Variants in TECR observed in about 807,000 individuals in gnomAD.
The protein encoded by TECR is very-long-chain enoyl-CoA reductase.
A neutral mutation model predicts 50.6 loss-of-function variants in TECR; 19 were observed. That is an observed-to-expected ratio of 0.38 (90% confidence interval 0.26 to 0.55). TECR has a LOEUF of 0.55. Among genes scored for constraint, TECR ranks in the 20% least tolerant of loss-of-function variants. The pLI is 0.79. For missense variants in TECR, 313 were observed against 408.3 expected (o/e 0.77, Z 2.01); for synonymous variants, 168 against 163.5 (o/e 1.03, Z -0.21).
At chr19:14,557,982 C>G (rs1218431151) in intron 1 of TECR, among the ~76,000 whole-genome samples, 2 of 150,126 alleles carry the variant, frequency 1.3e-5, no homozygotes, top group African/African-American at 4.9e-5. Flanking sequence ...GTCTCGATCT[C>G]CTGACCTCGT....
At position 14,564,397 on chromosome 19, in the gene TECR, C is replaced by CA. The variant is rs1195681103; in HGVS notation, c.489+111dup. Reference sequence around the variant, plus strand: ...CTTCCTGTCTGCCACTACGCCCCAGCAGAGCCCTACCCCTAGGCCCCGCCT... The same window carrying CA: ...CTTCCTGTCTGCCACTACGCCCCAGCAAGAGCCCTACCCCTAGGCCCCGCCT... On this transcript the variant is annotated intron_variant, in intron 7 of 12. Transcript: ENST00000215567. The CA allele has an allele frequency of 1.0e-3, 921 of 891,776 alleles. 11 individuals carry two copies. In the South Asian group the frequency reaches 0.012, roughly 12 times the overall value. The allele number at this position is 891,776 out of a possible 1,614,324, so 55.2% of individuals were successfully genotyped here.
Position 14,529,907 on chromosome 19 carries a change from C to T in TECR, c.15+196C>T, listed in dbSNP as rs2072558216. ...ATGTGCGCAGGAAGTATTTATAAAT[C>T]TGCAACCCAGGCTGTTTTGGGGGTA... On this transcript the variant is annotated intron_variant, in intron 1 of 12. Coordinates refer to ENST00000215567, the MANE Select transcript of TECR (RefSeq NM_138501.6). 12 of 765,854 alleles carry T rather than the reference C, an allele frequency of 1.6e-5. 1 individual carries two copies. In the South Asian group the frequency reaches 2.0e-4, roughly 13 times the overall value. The allele number at this position is 765,854 out of a possible 1,614,324, so 47.4% of individuals were successfully genotyped here.
chr19:14,562,642 C>T (rs2073936870), intron 2 of TECR, 67 bp downstream of exon 2: 1 of 1,583,002 alleles, frequency 6.3e-7, no homozygotes, highest in Admixed American at 1.7e-5. Flanking sequence ...CCTTATAGCC[C>T]AGGAGCTGTC....
chr19:14,533,199 TC>T (rs2072737419), intron 1 of TECR, among the ~76,000 whole-genome samples: 1 of 151,898 alleles, frequency 6.6e-6, no homozygotes, highest in Non-Finnish European at 1.5e-5. Context: ...GGTGGGCAAA[TC>T]ATGTGAGGTC....
intron 1 of TECR, among the ~76,000 whole-genome samples, chr19:14,536,091 C>G (rs73002841): frequency 0.35 from 52,680 of 151,806 alleles, 9,538 homozygotes; most frequent in Non-Finnish European, 0.41. Flanking sequence ...ACCCAGAGAA[C>G]AAGGCCTTTT....
chr19:14,535,562 ATATATATATATATATATATATATATATG>A (rs1457009556), intron 1 of TECR, among the ~76,000 whole-genome samples: 472 of 27,904 alleles, frequency 0.017, 30 homozygotes, highest in African/African-American at 0.053. Flanking sequence ...ATATATATAT[ATATATATATATATATATATATATATATG>A]TATGTATATA....
intron 1 of TECR, among the ~76,000 whole-genome samples, chr19:14,555,372 C>T (rs1006401803): frequency 2.0e-5 from 3 of 151,512 alleles, no homozygotes; most frequent in African/African-American, 7.3e-5. Context: ...CCTCAGCCTC[C>T]TGAGTAGCTG....
chr19:14,562,540 G>A lies in TECR; in HGVS notation c.31G>A (p.Ala11Thr), dbSNP rs750439728. The stretch of plus-strand genomic sequence containing the variant: ...CTTCTTCGAGGTGGAGATTCTGGAC[G>A]CAAAGACAAGGGAGAAGCTGTGTTT... MKHYEVEILDAKTREKLCFLD... is the reference protein window; with the variant it reads MKHYEVEILDTKTREKLCFLD... Residue 11 changes from alanine to threonine, a missense_variant, in exon 2 of 13, where the codon GCA (alanine) becomes ACA (threonine). Coordinates refer to ENST00000215567, the MANE Select transcript of TECR (RefSeq NM_138501.6). 7 of 1,614,110 alleles carry A rather than the reference G, an allele frequency of 4.3e-6. No homozygotes were observed. In the East Asian group the frequency reaches 8.9e-5, roughly 21 times the overall value.
In TECR at chr19:14,546,782, C is replaced by T. The variant is rs530186392; in HGVS notation, c.16-15743C>T. 3.9e-5 allele frequency among the ~76,000 whole-genome samples: 6 copies of T among 152,174 alleles called. No homozygotes were observed. In the East Asian group the frequency reaches 5.8e-4, roughly 15 times the overall value. ...TTGCTGCAACCTCCACCTCTGAGGG[C>T]GGGTTCAAGCCATTCTCCCACCTTA... On this transcript the variant is annotated intron_variant, in intron 1 of 12. Coordinates refer to ENST00000215567, the MANE Select transcript of TECR (RefSeq NM_138501.6).
chr19:14,544,552 G>A (rs2073236993), intron 1 of TECR, among the ~76,000 whole-genome samples: 1 of 148,934 alleles, frequency 6.7e-6, no homozygotes, highest in Non-Finnish European at 1.5e-5. Flanking sequence ...TGAGCTTATA[G>A]CATATCCTTG....
chr19:14,563,089 C>A lies in TECR; in HGVS notation c.67-117C>A. 1 of 1,263,502 alleles carries A rather than the reference C, an allele frequency of 7.9e-7. No individual in the cohort carries two copies. The highest frequency in any genetic ancestry group is 1.1e-6 in the Non-Finnish European group (1 of 884,936). The allele number at this position is 1,263,502 out of a possible 1,614,324, so 78.3% of individuals were successfully genotyped here. A position where few individuals can be genotyped will look rare whatever the true frequency, so the allele number is the denominator to read the frequency against. ...GCAGGCAGAGGCCTGGACCCCAGCC[C>A]TTCCCCCTTCCCATAGCTACAGCCC... On this transcript the variant is annotated intron_variant, in intron 2 of 12. Coordinates refer to ENST00000215567, the MANE Select transcript of TECR (RefSeq NM_138501.6). The surrounding 1 kb of genome is among the most constrained non-coding windows in gnomAD (Gnocchi z 5.3).
intron 1 of TECR, chr19:14,531,878 C>T (rs973562710): frequency 8.6e-5 from 13 of 151,842 alleles, no homozygotes; most frequent in African/African-American, 3.1e-4. Flanking sequence ...ACCTGTAGTC[C>T]CACTACTGTA....
intron 1 of TECR, among the ~76,000 whole-genome samples, chr19:14,552,880 T>G (rs1457090072): frequency 6.6e-6 from 1 of 151,996 alleles, no homozygotes; most frequent in Non-Finnish European, 1.5e-5. Flanking sequence ...GGTGGCAGTC[T>G]CAGCATAGTC....
In TECR at chr19:14,564,258, G is replaced by T; in HGVS notation, c.460G>T (p.Gly154Cys). The change falls in exon 7 of 13, where the codon GGC becomes TGC. Residue 154 changes from glycine (G) to cysteine (C), a missense_variant. Physicochemically the swap from Gly to Cys is radical, Grantham distance 159. Transcript: ENST00000215567. Reference sequence around the variant, plus strand: ...GCTCTTCGTGCACCGCTTCTCCCATGGCACTATGCCTTTGCGCAACATCTT... The same window carrying T: ...GCTCTTCGTGCACCGCTTCTCCCATTGCACTATGCCTTTGCGCAACATCTT... Reference protein sequence around the residue: ...ETLFVHRFSHGTMPLRNIFKN... With the variant: ...ETLFVHRFSHCTMPLRNIFKN... The T allele has an allele frequency of 1.2e-6, 2 of 1,606,886 alleles. No homozygotes were observed. Among genetic ancestry groups the T allele is most frequent in the Non-Finnish European group, 1.7e-6 (2 of 1,179,786 alleles).
chr19:14,565,169 G>C (rs772383025), intron 10 of TECR, 33 bp from the exon 11 acceptor site: 2 of 1,613,844 alleles, frequency 1.2e-6, no homozygotes, highest in African/African-American at 2.7e-5. Context: ...TGGGTGAGGG[G>C]GTCTGACTTT....
intron 1 of TECR, among the ~76,000 whole-genome samples, chr19:14,541,872 T>C (rs1383284150): frequency 6.6e-6 from 1 of 151,144 alleles, no homozygotes; most frequent in Non-Finnish European, 1.5e-5. Context: ...AACCTTCGCC[T>C]CCTGGGTTCA....
intron 1 of TECR, chr19:14,530,138 C>G: frequency 4.4e-6 from 1 of 226,670 alleles, no homozygotes; most frequent in South Asian, 5.3e-5. Flanking sequence ...TTGTGTACGA[C>G]CTTTGGACCC....
intron 1 of TECR, among the ~76,000 whole-genome samples, chr19:14,559,202 A>G (rs1047098292): frequency 2.1e-4 from 32 of 152,310 alleles, no homozygotes; most frequent in African/African-American, 7.7e-4. Flanking sequence ...TTCATGTAAC[A>G]TGAAACTAAC....
chr19:14,558,656 G>A (rs1242140175), intron 1 of TECR, among the ~76,000 whole-genome samples: 2 of 152,148 alleles, frequency 1.3e-5, no homozygotes, highest in African/African-American at 4.8e-5. Context: ...TCGTGCCTGA[G>A]GCTATGTGGT....
Sources: gnomAD v4.1 joint callset for allele counts (sites outside exome capture counted in the v4.1 genomes callset) on GRCh38, gnomAD v4.1.1 for gene constraint, Gnocchi (gnomAD v3.1) non-coding constraint, MANE v1.5 for transcripts, NCBI Gene and HGNC (gene_info 2026-07-23, HGNC 2026-07-21) for gene names.